Variants in OPRM1 observed in about 807,000 individuals in gnomAD.
The protein encoded by OPRM1 is opioid receptor mu 1.
Under a neutral mutation model 31.8 loss-of-function variants are expected in OPRM1, and 27 were observed. The observed-to-expected ratio is 0.85, with a 90% confidence interval of 0.63 to 1.17. OPRM1 has a LOEUF of 1.17. Among genes scored for constraint, OPRM1 ranks in the 50% most tolerant of loss-of-function variants. The pLI is 0.00. For missense variants in OPRM1, 536 were observed against 511.1 expected (o/e 1.05, Z -0.47); for synonymous variants, 196 against 189.9 (o/e 1.03, Z -0.26).
intron 1 of OPRM1, among the ~76,000 whole-genome samples, chr6:154,046,380 TTG>T (rs1326780562): frequency 6.6e-6 from 1 of 152,180 alleles, no homozygotes; most frequent in African/African-American, 2.4e-5. Flanking sequence ...AGGAGCAGAA[TTG>T]TGTGTGCCAT....
chr6:154,224,481 G>C (rs1004100236), intron 3 of OPRM1, among the ~76,000 whole-genome samples: 2 of 152,144 alleles, frequency 1.3e-5, no homozygotes, highest in Admixed American at 6.5e-5. Flanking sequence ...GCTGAGGAGG[G>C]TGGATCACTT....
At chr6:154,071,908 C>G (rs1744450029) in intron 1 of OPRM1, among the ~76,000 whole-genome samples, 1 of 152,108 alleles carries the variant, frequency 6.6e-6, no homozygotes, top group South Asian at 2.1e-4. Context: ...TTGTTTTTGT[C>G]TTGTTGCATC....
intron 3 of OPRM1, among the ~76,000 whole-genome samples, chr6:154,243,327 G>A (rs1424201851): frequency 1.3e-5 from 2 of 152,166 alleles, no homozygotes; most frequent in Non-Finnish European, 2.9e-5. Flanking sequence ...CTTGCATATG[G>A]TTTTGTAGGA....
chr6:154,071,251 G>A (rs898128914), intron 1 of OPRM1, among the ~76,000 whole-genome samples: 4 of 152,166 alleles, frequency 2.6e-5, no homozygotes, highest in Admixed American at 2.6e-4. Flanking sequence ...AGGTGAGATG[G>A]TATCCAACAC....
intron 3 of OPRM1, among the ~76,000 whole-genome samples, chr6:154,141,191 T>C (rs547905936): frequency 1.7e-4 from 26 of 152,348 alleles, no homozygotes; most frequent in African/African-American, 6.3e-4. Context: ...AAAGAGATAA[T>C]GGACACAAAG....
chr6:154,024,647 AG>A (rs1375019147), intron 1 of OPRM1, among the ~76,000 whole-genome samples: 2 of 144,874 alleles, frequency 1.4e-5, no homozygotes, highest in African/African-American at 2.6e-5. Context: ...GCTTATTTGA[AG>A]TTTTTTTTTT....
chr6:154,138,213 GATTAA>G (rs1206274913), intron 3 of OPRM1, among the ~76,000 whole-genome samples: 1 of 151,498 alleles, frequency 6.6e-6, no homozygotes, highest in Admixed American at 6.6e-5. Flanking sequence ...TTGACGTGAG[GATTAA>G]ATTAGACAGT....
chr6:154,094,068 T>C, intron 3 of OPRM1: 1 of 433,720 alleles, frequency 2.3e-6, no homozygotes, highest in South Asian at 1.9e-5. Flanking sequence ...GGATTTGCAT[T>C]TAACTTTTCA....
rs2840184 is a variant in OPRM1, at chr6:154,189,601, T to C, written c.1165-57092T>C. Among the ~76,000 whole-genome samples, 1,033 of 152,292 alleles carry C rather than the reference T, an allele frequency of 6.8e-3. 5 individuals carry two copies. Among genetic ancestry groups the C allele is most frequent in the African/African-American group, 0.023 (960 of 41,550 alleles). The stretch of plus-strand genomic sequence containing the variant: ...GTTGTTACCACAAATAAATAATAAA[T>C]GCTTAAAGTGATGGATATGGTATTA... On this transcript the variant is annotated intron_variant, in intron 3 of 3. Transcript: ENST00000337049.
At chr6:154,217,017 C>G (rs907888280) in intron 3 of OPRM1, 3 of 158,096 alleles carry the variant, frequency 1.9e-5, no homozygotes, top group African/African-American at 7.2e-5. Flanking sequence ...TTAAGAACAC[C>G]TGTGAAATTC....
At chr6:154,035,664 G>A (rs1335450516), upstream of OPRM1, among the ~76,000 whole-genome samples, 1 of 152,074 alleles carries the variant, frequency 6.6e-6, no homozygotes, top group African/African-American at 2.4e-5. Flanking sequence ...TAGGATGAAG[G>A]CAATTCTATG....
intron 3 of OPRM1, among the ~76,000 whole-genome samples, chr6:154,200,361 C>A (rs1026146438): frequency 2.0e-5 from 3 of 152,180 alleles, no homozygotes; most frequent in African/African-American, 7.2e-5. Context: ...CTGCATTACA[C>A]TTTGAGCAAA....
Position 154,030,040 on chromosome 6 carries a change from C to T in OPRM1, c.1-9121C>T, listed in dbSNP as rs1778921354. On this transcript the variant is annotated intron_variant, in intron 1 of 5. Coordinates refer to the OPRM1 transcript ENST00000434900. The stretch of plus-strand genomic sequence containing the variant: ...TCCCAAGCCGTATTGAACTGTGAGT[C>T]CTCTTTCCTTTAAAAATTACCCAGT... Among the ~76,000 whole-genome samples, 3 of 146,030 alleles carry T rather than the reference C, an allele frequency of 2.1e-5. No individual in the cohort carries two copies. In the South Asian group the frequency reaches 6.2e-4, roughly 30 times the overall value.
intron 3 of OPRM1, among the ~76,000 whole-genome samples, chr6:154,111,437 G>T (rs1796350347): frequency 1.3e-5 from 2 of 152,128 alleles, no homozygotes; most frequent in Admixed American, 6.6e-5. Context: ...AATTGAGGTG[G>T]AGGAGAGTGG....
At position 154,129,561 on chromosome 6, in the gene OPRM1, G is replaced by A. The variant is rs1797772641; in HGVS notation, c.*10840G>A. Among the ~76,000 whole-genome samples, 1 of 152,174 alleles carries A rather than the reference G, an allele frequency of 6.6e-6. No homozygotes were observed. Among genetic ancestry groups the A allele is most frequent in the African/African-American group, 2.4e-5 (1 of 41,430 alleles). ...TTGAGTTTTAGTGCCCACTGTTACAGAAAATCATAATGGAAAAACTAAAAT... is the reference window on the plus strand; with the variant it reads ...TTGAGTTTTAGTGCCCACTGTTACAAAAAATCATAATGGAAAAACTAAAAT... On this transcript the variant is annotated 3_prime_UTR_variant, in exon 4 of 4. Transcript: ENST00000330432.
chr6:154,063,965 A>G (rs978708791), intron 1 of OPRM1, among the ~76,000 whole-genome samples: 7 of 151,992 alleles, frequency 4.6e-5, no homozygotes, highest in African/African-American at 7.2e-5. Context: ...GGGTATATAA[A>G]TATCTTGTGG....
Position 154,121,776 on chromosome 6 carries a change from A to G in OPRM1, c.*3055A>G, listed in dbSNP as rs1162819969. On this transcript the variant is annotated 3_prime_UTR_variant, in exon 4 of 4. Transcript: ENST00000330432. ...ATACAAAGAAAACACCTCTGCAAAG[A>G]TTCCGACCACATTTATCAAAAAGTC... Among the ~76,000 whole-genome samples the G allele has an allele frequency of 6.6e-6, 1 of 152,350 alleles. No homozygotes were observed. Among genetic ancestry groups the G allele is most frequent in the Admixed American group, 6.5e-5 (1 of 15,298 alleles).
intron 3 of OPRM1, among the ~76,000 whole-genome samples, chr6:154,188,826 AT>A (rs1460716476): frequency 1.3e-5 from 2 of 152,234 alleles, no homozygotes; most frequent in African/African-American, 4.8e-5. Flanking sequence ...GTAAGATGAT[AT>A]TGTATCTCAT....
At chr6:154,022,637 C>T (rs898165222) in intron 1 of OPRM1, among the ~76,000 whole-genome samples, 5 of 152,140 alleles carry the variant, frequency 3.3e-5, no homozygotes, top group East Asian at 1.9e-4. Flanking sequence ...CTGAGACCAA[C>T]GTCCTTGAAA....
Sources: allele counts gnomAD v4.1 joint callset (sites outside exome capture counted in the v4.1 genomes callset), GRCh38; gene constraint gnomAD v4.1.1; transcripts MANE v1.5; gene names NCBI Gene and HGNC (gene_info 2026-07-23, HGNC 2026-07-21).